The following TMEM217B variants were observed in gnomAD, a reference collection of about 807,000 sequenced individuals.
TMEM217B encodes transmembrane protein 217B, also known as putative transmembrane protein 217B.
the TMEM217B span, among the ~76,000 whole-genome samples, chr6:37,228,808 T>A: frequency 6.6e-6 from 1 of 151,128 alleles, no homozygotes. Context: ...CCATCCTGAC[T>A]AACACGGTGA....
the TMEM217B span, among the ~76,000 whole-genome samples, chr6:37,236,284 G>C: frequency 6.6e-6 from 1 of 152,192 alleles, no homozygotes; most frequent in South Asian, 2.1e-4. Context: ...CACTGTGCCT[G>C]GCCATTTATT....
the TMEM217B span, chr6:37,257,775 T>C: frequency 5.6e-6 from 5 of 894,352 alleles, no homozygotes; most frequent in Non-Finnish European, 6.9e-6. Context: ...GGTGCCCACA[T>C]CCAAGATGGC....
the TMEM217B span, among the ~76,000 whole-genome samples, chr6:37,243,017 T>G: frequency 1.3e-5 from 2 of 152,158 alleles, no homozygotes; most frequent in Non-Finnish European, 2.9e-5. Flanking sequence ...GAAAGCAAGT[T>G]TCTGGCAAAG....
chr6:37,224,391 G>A, the TMEM217B span, among the ~76,000 whole-genome samples: 1 of 151,184 alleles, frequency 6.6e-6, no homozygotes, highest in South Asian at 2.1e-4. Flanking sequence ...GAGGTCAGGA[G>A]ATCGAGACCA....
At chr6:37,247,551 C>G in the TMEM217B span, among the ~76,000 whole-genome samples, 2 of 152,004 alleles carry the variant, frequency 1.3e-5, no homozygotes, top group Non-Finnish European at 2.9e-5. Context: ...CCACAACCAG[C>G]TAATTTTTGT....
chr6:37,242,990 G>A, the TMEM217B span, among the ~76,000 whole-genome samples: 1 of 152,312 alleles, frequency 6.6e-6, no homozygotes, highest in East Asian at 1.9e-4. Context: ...GGCACATGTA[G>A]CTGCAGGAGA....
the TMEM217B span, among the ~76,000 whole-genome samples, chr6:37,222,933 A>G: frequency 7.3e-5 from 11 of 151,690 alleles, no homozygotes; most frequent in African/African-American, 2.7e-4. Context: ...AGCTGATTTG[A>G]AAAAGAACCC....
the TMEM217B span, chr6:37,257,935 C>G: frequency 4.3e-6 from 7 of 1,613,972 alleles, no homozygotes; most frequent in African/African-American, 9.3e-5. Flanking sequence ...CTGAGAACAG[C>G]AAGCAGTTTT....
the TMEM217B span, among the ~76,000 whole-genome samples, chr6:37,217,453 T>A: frequency 6.6e-6 from 1 of 152,200 alleles, no homozygotes; most frequent in Non-Finnish European, 1.5e-5. Flanking sequence ...ATTCTCATAG[T>A]CATTCATATC....
the TMEM217B span, among the ~76,000 whole-genome samples, chr6:37,245,804 CT>C: frequency 7.2e-4 from 103 of 143,684 alleles, no homozygotes; most frequent in South Asian, 1.1e-3. Flanking sequence ...TTCTTTCTTT[CT>C]TTTTTTTTTT....
At chr6:37,257,859 G>A in the TMEM217B span, 1 of 1,580,326 alleles carries the variant, frequency 6.3e-7, no homozygotes, top group Non-Finnish European at 8.6e-7. Context: ...GCGGGGTCTG[G>A]GGGCATCTCG....
chr6:37,231,173 C>A, the TMEM217B span, among the ~76,000 whole-genome samples: 1 of 151,678 alleles, frequency 6.6e-6, no homozygotes, highest in East Asian at 2.0e-4. Context: ...GATTCTCCTG[C>A]CTCAGCCTTG....
the TMEM217B span, among the ~76,000 whole-genome samples, chr6:37,235,848 C>T: frequency 6.6e-6 from 1 of 152,146 alleles, no homozygotes; most frequent in South Asian, 2.1e-4. Context: ...AAAGCACTAA[C>T]CCATTTTGAA....
the TMEM217B span, among the ~76,000 whole-genome samples, chr6:37,227,357 GTTC>G: frequency 2.0e-5 from 3 of 151,968 alleles, no homozygotes; most frequent in Admixed American, 1.3e-4. Context: ...CTCTTTCCTA[GTTC>G]TTCTCCTTCC....
At chr6:37,215,337 A>C in the TMEM217B span, 2 of 1,584,312 alleles carry the variant, frequency 1.3e-6, no homozygotes, top group Non-Finnish European at 8.6e-7. Context: ...AGAGAAAAGA[A>C]AACTTGAGGC....
chr6:37,218,495 T>C, the TMEM217B span: 19 of 1,614,008 alleles, frequency 1.2e-5, no homozygotes, highest in Non-Finnish European at 1.4e-5. Flanking sequence ...TAATCTTTTA[T>C]TTCTGCTGTG....
chr6:37,250,026 A>G, the TMEM217B span, among the ~76,000 whole-genome samples: 2 of 152,262 alleles, frequency 1.3e-5, no homozygotes, highest in Non-Finnish European at 2.9e-5. Flanking sequence ...GTAGTAGCAT[A>G]GATAAAATAT....
At chr6:37,231,641 C>T in the TMEM217B span, among the ~76,000 whole-genome samples, 5 of 142,088 alleles carry the variant, frequency 3.5e-5, no homozygotes, top group East Asian at 6.2e-4. Flanking sequence ...CATTGCACTC[C>T]AGCCTGGGCG....
chr6:37,241,404 A>G, the TMEM217B span, among the ~76,000 whole-genome samples: 1 of 152,162 alleles, frequency 6.6e-6, no homozygotes, highest in Non-Finnish European at 1.5e-5. Flanking sequence ...AGGACCTCAA[A>G]AGCGACATCT....
Sources: allele counts gnomAD v4.1 joint callset (sites outside exome capture counted in the v4.1 genomes callset), GRCh38; gene constraint gnomAD v4.1.1; transcripts MANE v1.5; gene names NCBI Gene and HGNC (gene_info 2026-07-23, HGNC 2026-07-21).